CD37: variants seen among roughly 807,000 people sequenced by gnomAD.
The protein encoded by CD37 is CD37 molecule.
A neutral mutation model predicts 38.9 loss-of-function variants in CD37; 37 were observed. The ratio of observed to expected loss-of-function variants is 0.95; its 90% confidence interval spans 0.73 to 1.25. The LOEUF is 1.25. Ranked by LOEUF, CD37 falls within the 50% of genes most tolerant of loss-of-function variation. CD37 has a pLI of 0.00. For missense variants in CD37, 351 were observed against 360.1 expected (o/e 0.97, Z 0.20); for synonymous variants, 146 against 150.1 (o/e 0.97, Z 0.20).
rs745827696 is a variant in CD37, at chr19:49,339,432, C to G, written c.768+19C>G. ...ACTCGAGGTGATCTGGCCCCGCCCCCACCCGCGATCGGCCCTAAATCCCTA... is the reference window on the plus strand; with the variant it reads ...ACTCGAGGTGATCTGGCCCCGCCCCGACCCGCGATCGGCCCTAAATCCCTA... On this transcript the variant is annotated intron_variant, in intron 7 of 7. Transcript: ENST00000323906. The surrounding 1 kb of genome is among the most constrained non-coding windows in gnomAD (Gnocchi z 4.5). 39 of 1,607,726 alleles carry G rather than the reference C, an allele frequency of 2.4e-5. 1 individual carries two copies. In the Middle Eastern group the frequency reaches 4.9e-4, roughly 20 times the overall value.
At position 49,338,293 on chromosome 19, in the gene CD37, G is replaced by A. The variant is rs1600675101; in HGVS notation, c.447+264G>A. 8 of 977,142 alleles carry A rather than the reference G, an allele frequency of 8.2e-6. No homozygotes were observed. In the East Asian group the frequency reaches 2.0e-4, roughly 24 times the overall value. 60.5% of individuals were successfully genotyped at this position (977,142 alleles called of 1,614,324 possible). A position where few individuals can be genotyped will look rare whatever the true frequency, so the allele number is the denominator to read the frequency against. Reference sequence around the variant, plus strand: ...CCCCCGCCCCGACCAGAGGTTGTCAGGCCCCTAGTCCCAAGACCCTAGCGA... The same window carrying A: ...CCCCCGCCCCGACCAGAGGTTGTCAAGCCCCTAGTCCCAAGACCCTAGCGA... On this transcript the variant is annotated intron_variant, in intron 5 of 7. Coordinates refer to ENST00000323906, the MANE Select transcript of CD37 (RefSeq NM_001774.3). This position sits in a 1 kb window ranked among gnomAD's most constrained non-coding sequence, Gnocchi z 5.0.
In CD37 at chr19:49,335,855, T is replaced by A; in HGVS notation, c.142+69T>A. The A allele has an allele frequency of 1.6e-6, 2 of 1,273,992 alleles. No homozygotes were observed. The highest frequency in any genetic ancestry group is 2.3e-6 in the Non-Finnish European group (2 of 876,204). The allele number at this position is 1,273,992 out of a possible 1,614,324, so 78.9% of individuals were successfully genotyped here. ...GCAACTTCCTGGGGTCTCCCTTGTC[T>A]CAGGGAGACCTACGGTGCCCTACTC... On this transcript the variant is annotated intron_variant, in intron 2 of 7. Coordinates refer to ENST00000323906, the MANE Select transcript of CD37 (RefSeq NM_001774.3). This position sits in a 1 kb window ranked among gnomAD's most constrained non-coding sequence, Gnocchi z 4.6.
At position 49,339,946 on chromosome 19, in the gene CD37, G is replaced by A. The variant is rs942258711; in HGVS notation, c.769-305G>A. 21 of 1,392,774 alleles carry A rather than the reference G, an allele frequency of 1.5e-5. No homozygotes were observed. In the African/African-American group the frequency reaches 2.9e-4, roughly 19 times the overall value. 86.3% of individuals were successfully genotyped at this position (1,392,774 alleles called of 1,614,324 possible). On this transcript the variant is annotated intron_variant, in intron 7 of 7. Coordinates refer to ENST00000323906, the MANE Select transcript of CD37 (RefSeq NM_001774.3). This position sits in a 1 kb window ranked among gnomAD's most constrained non-coding sequence, Gnocchi z 4.5. ...TGGAAGTGCGGGCGCAGAATTAGAG[G>A]AGGCACAATTAGAGGCTGAGGCAGA... is the stretch of plus-strand genomic sequence containing the variant.
intron 4 of CD37, 90 bp from the exon 5 acceptor site, chr19:49,337,835 T>G: frequency 6.3e-7 from 1 of 1,578,844 alleles, no homozygotes; most frequent in Non-Finnish European, 8.6e-7. Context: ...GGCCCAGAGA[T>G]GCACAGGGCC....
chr19:49,340,129 T>G (rs1210508218), intron 7 of CD37, 122 bp from the exon 8 acceptor site: 1 of 1,529,900 alleles, frequency 6.5e-7, no homozygotes, highest in South Asian at 1.1e-5. Context: ...ACCTATCCCC[T>G]TCTCCAGCCC....
Position 49,338,631 on chromosome 19 carries a change from C to T in CD37, c.448-69C>T, listed in dbSNP as rs1045508266. ...CCCCGACCTGACCTCATACCCATCA[C>T]CTTGTCCCCTGATCCCCAACATCAT... On this transcript the variant is annotated intron_variant, in intron 5 of 7. Transcript: ENST00000323906. This position sits in a 1 kb window ranked among gnomAD's most constrained non-coding sequence, Gnocchi z 5.0. The T allele has an allele frequency of 8.5e-6, 10 of 1,182,002 alleles. No homozygotes were observed. In the African/African-American group the frequency reaches 1.5e-4, roughly 18 times the overall value. 73.2% of individuals were successfully genotyped at this position (1,182,002 alleles called of 1,614,324 possible).
chr19:49,337,489 G>A lies in CD37; in HGVS notation c.342+268G>A, dbSNP rs1012769556. 18 of 623,628 alleles carry A rather than the reference G, an allele frequency of 2.9e-5. No individual in the cohort carries two copies. The African/African-American group carries it at 3.0e-4, about 10-fold the overall frequency. The allele number at this position is 623,628 out of a possible 1,614,324, so 38.6% of individuals were successfully genotyped here. ...TTAAAAAAAAAATCCGGGTGTGATG[G>A]TGTGCACCTGGGGTCCCAGCTACTT... On this transcript the variant is annotated intron_variant, in intron 4 of 7. Coordinates refer to ENST00000323906, the MANE Select transcript of CD37 (RefSeq NM_001774.3).
chr19:49,337,537 A>C, intron 4 of CD37: 1 of 902,376 alleles, frequency 1.1e-6, no homozygotes, highest in Non-Finnish European at 1.6e-6. Flanking sequence ...TGGGAGGATC[A>C]CTTGAGCCAG....
Position 49,335,700 on chromosome 19 carries a change from TCTC to T in CD37, c.70-10_70-8del. On this transcript the variant is annotated splice_polypyrimidine_tract_variant and intron_variant, in intron 1 of 7. Coordinates refer to ENST00000323906, the MANE Select transcript of CD37 (RefSeq NM_001774.3). The surrounding 1 kb of genome is among the most constrained non-coding windows in gnomAD (Gnocchi z 4.6). Reference sequence around the variant, plus strand: ...CCTGTGGCCCACCCCCGTATCCGCATCTCCTCTCCCCAGGTCCTCGGCAGCCTG... The same window carrying T: ...CCTGTGGCCCACCCCCGTATCCGCATCTCTCCCCAGGTCCTCGGCAGCCTG... 1 of 1,613,768 alleles carries T rather than the reference TCTC, an allele frequency of 6.2e-7. No homozygotes were observed.
chr19:49,340,015 G>T (rs1971153535), intron 7 of CD37: 2 of 1,464,714 alleles, frequency 1.4e-6, no homozygotes, highest in Non-Finnish European at 1.8e-6. Context: ...CCCTGGGCTT[G>T]CTTCCGACCT....
rs759125589 is a variant in CD37 at position 49,338,057 on chromosome 19, C to T, written c.447+28C>T. The T allele has an allele frequency of 3.7e-6, 6 of 1,608,636 alleles. No individual in the cohort carries two copies. The Admixed American group carries it at 8.4e-5, about 23-fold the overall frequency. ...AAGCCCCCCTCCTCCAGTTCCCTCC[C>T]GGACTGACCCGCCTCAGCCCTGTGC... On this transcript the variant is annotated intron_variant, in intron 5 of 7. Transcript: ENST00000323906. The surrounding 1 kb of genome is among the most constrained non-coding windows in gnomAD (Gnocchi z 5.0).
chr19:49,339,908 ACCAG>A lies in CD37; in HGVS notation c.769-340_769-337del. 1 of 1,353,960 alleles carries A rather than the reference ACCAG, an allele frequency of 7.4e-7. No individual in the cohort carries two copies. Among genetic ancestry groups the A allele is most frequent in the South Asian group, 1.5e-5 (1 of 64,808 alleles). 83.9% of individuals were successfully genotyped at this position (1,353,960 alleles called of 1,614,324 possible). ...TGGCCGCTGTGGGTTCAAGACGAGG[ACCAG>A]CCTGACACTGGAAGTGCGGGCGCAG... On this transcript the variant is annotated intron_variant, in intron 7 of 7. Coordinates refer to ENST00000323906, the MANE Select transcript of CD37 (RefSeq NM_001774.3). The surrounding 1 kb of genome is among the most constrained non-coding windows in gnomAD (Gnocchi z 4.5).
Position 49,339,965 on chromosome 19 carries a change from A to C in CD37, c.769-286A>C, listed in dbSNP as rs372232157. ...TTAGAGGAGGCACAATTAGAGGCTG[A>C]GGCAGAGGGGGAAGACAGATGAGCC... On this transcript the variant is annotated intron_variant, in intron 7 of 7. Transcript: ENST00000323906. This position sits in a 1 kb window ranked among gnomAD's most constrained non-coding sequence, Gnocchi z 4.5. 3.9e-5 allele frequency: 55 copies of C among 1,412,394 alleles called. No individual in the cohort carries two copies. In the East Asian group the frequency reaches 4.8e-4, roughly 12 times the overall value. The allele number at this position is 1,412,394 out of a possible 1,614,324, so 87.5% of individuals were successfully genotyped here.
Position 49,339,623 on chromosome 19 carries a change from C to A in CD37, c.768+210C>A. ...GGGTGTACGCAGGGAAAGCCTCCTG[C>A]TATTGGCTGCGATCTCCCTCCCCTT... On this transcript the variant is annotated intron_variant, in intron 7 of 7. Transcript: ENST00000323906. This position sits in a 1 kb window ranked among gnomAD's most constrained non-coding sequence, Gnocchi z 4.5. 7.0e-7 allele frequency: 1 copy of A among 1,433,432 alleles called. No homozygotes were observed. The highest frequency in any genetic ancestry group is 9.1e-7 in the Non-Finnish European group (1 of 1,098,416). 88.8% of individuals were successfully genotyped at this position (1,433,432 alleles called of 1,614,324 possible).
intron 4 of CD37, 142 bp from the exon 5 acceptor site, chr19:49,337,783 C>T (rs1420218712): frequency 9.1e-6 from 14 of 1,544,358 alleles, no homozygotes; most frequent in Non-Finnish European, 1.1e-5. Context: ...AAAGACAGAC[C>T]TGAAGTACAC....
chr19:49,340,155 A>G (rs1971165576), intron 7 of CD37, 96 bp from the exon 8 acceptor site: 2 of 1,504,646 alleles, frequency 1.3e-6, no homozygotes, highest in Admixed American at 1.7e-5. Flanking sequence ...CGCCCAATTC[A>G]CGGCCCCACC....
In CD37 at chr19:49,340,412, C is replaced by A; in HGVS notation, c.*84C>A. On this transcript the variant is annotated 3_prime_UTR_variant, in exon 8 of 8. Transcript: ENST00000323906. ...CTGCCTGTAAATATTTGTTTAATCCCCAGTTCGCCTGGAGCCCTCCGCCTT... is the reference window on the plus strand; with the variant it reads ...CTGCCTGTAAATATTTGTTTAATCCACAGTTCGCCTGGAGCCCTCCGCCTT... 1.0e-6 allele frequency: 1 copy of A among 997,370 alleles called. No individual in the cohort carries two copies. The highest frequency in any genetic ancestry group is 2.4e-5 in the East Asian group (1 of 41,436). The allele number at this position is 997,370 out of a possible 1,614,324, so 61.8% of individuals were successfully genotyped here. A position where few individuals can be genotyped will look rare whatever the true frequency, so the allele number is the denominator to read the frequency against.
At chr19:49,337,718 C>T (rs1311826116) in intron 4 of CD37, 2 of 1,534,192 alleles carry the variant, frequency 1.3e-6, no homozygotes, top group East Asian at 4.9e-5. Context: ...AAGAAATAGA[C>T]GCCCTGAAAG....
At chr19:49,336,721 C>T (rs1055347621) in intron 2 of CD37, 188 bp from the exon 3 acceptor site, 13 of 583,350 alleles carry the variant, frequency 2.2e-5, no homozygotes, top group Middle Eastern at 4.0e-4. Flanking sequence ...GATCCAGGGA[C>T]GGGAAACAGG....
Sources: gnomAD v4.1 joint callset for allele counts on GRCh38, gnomAD v4.1.1 for gene constraint, Gnocchi (gnomAD v3.1) non-coding constraint, MANE v1.5 for transcripts, NCBI Gene and HGNC (gene_info 2026-07-23, HGNC 2026-07-21) for gene names.